The following MTHFD1L variants were observed in gnomAD, a reference collection of about 807,000 sequenced individuals.
MTHFD1L encodes the protein monofunctional C1-tetrahydrofolate synthase, mitochondrial.
In MTHFD1L, 81 loss-of-function variants were observed where a neutral mutation model predicts 119.5. The ratio of observed to expected loss-of-function variants is 0.68; its 90% CI spans 0.57 to 0.82. The LOEUF is 0.82. MTHFD1L is among the 40% of genes least tolerant of loss of function. MTHFD1L has a pLI of 0.00. For synonymous variants in MTHFD1L, 430 were observed against 475.2 expected (o/e 0.90, Z 1.24); for missense variants, 1,125 against 1,253.4 (o/e 0.90, Z 1.55).
chr6:150,919,939 C>T (rs1032169426), intron 9 of MTHFD1L, among the ~76,000 whole-genome samples: 15 of 152,176 alleles, frequency 9.9e-5, no homozygotes, highest in African/African-American at 3.4e-4. Context: ...TCATCTGAGG[C>T]ATTAACTGGG....
intron 9 of MTHFD1L, 108 bp from the exon 10 acceptor site, chr6:150,922,096 CT>C: frequency 3.8e-6 from 3 of 780,264 alleles, no homozygotes; most frequent in Non-Finnish European, 4.4e-6. Context: ...TATTGTGCGA[CT>C]CGATAATCTT....
intron 10 of MTHFD1L, among the ~76,000 whole-genome samples, chr6:150,924,582 T>G (rs1789599997): frequency 6.6e-6 from 1 of 152,170 alleles, no homozygotes; most frequent in African/African-American, 2.4e-5. Flanking sequence ...GTTCAAGTGA[T>G]TGTCCTGCCT....
chr6:150,953,589 T>C (rs1795155374), intron 16 of MTHFD1L, among the ~76,000 whole-genome samples: 1 of 152,228 alleles, frequency 6.6e-6, no homozygotes, highest in Non-Finnish European at 1.5e-5. Context: ...GGTTACTTTC[T>C]AGTATCTTTC....
intron 20 of MTHFD1L, among the ~76,000 whole-genome samples, chr6:150,992,836 G>A (rs932355311): frequency 2.6e-5 from 4 of 152,116 alleles, no homozygotes; most frequent in Admixed American, 6.6e-5. Context: ...GCAGGGCTAC[G>A]ACTCTCTCTG....
intron 26 of MTHFD1L, among the ~76,000 whole-genome samples, chr6:151,045,920 G>A (rs1787939275): frequency 6.6e-6 from 1 of 152,172 alleles, no homozygotes; most frequent in African/African-American, 2.4e-5. Flanking sequence ...AGTCATCCCT[G>A]TCTCCTCAGT....
Position 150,882,814 on chromosome 6 carries a change from C to A in MTHFD1L, c.470C>A (p.Ala157Asp). 6.3e-7 allele frequency: 1 copy of A among 1,576,294 alleles called. No homozygotes were observed. Among genetic ancestry groups the A allele is most frequent in the South Asian group, 1.2e-5 (1 of 82,604 alleles). The change falls in exon 5 of 28, where the codon GCC (alanine) becomes GAC (aspartate). Residue 157 changes from alanine (A) to aspartate (D), a missense_variant. Around this residue, in one of 3 missense-constraint regions of MTHFD1L, gnomAD observed 1,058 missense variants for 1,151.2 expected, o/e 0.92. Coordinates refer to ENST00000367321, the MANE Select transcript of MTHFD1L (RefSeq NM_015440.5). ...GAAGATACCAGAGTACATGGCCTTG[C>A]CCTTCAGATCTCTGAGAACTTGTTT... ...INEDTRVHGL[A>D]LQISENLFSN...
At chr6:150,936,423 C>G (rs896063979) in intron 11 of MTHFD1L, among the ~76,000 whole-genome samples, 8 of 152,196 alleles carry the variant, frequency 5.3e-5, no homozygotes, top group Non-Finnish European at 1.2e-4. Context: ...ACCATAGGCC[C>G]TGTGCCCACA....
At chr6:150,984,963 G>A (rs979764027) in intron 20 of MTHFD1L, 1 of 152,110 alleles carries the variant, frequency 6.6e-6, no homozygotes, top group Non-Finnish European at 1.5e-5. Flanking sequence ...ATTGCTCTTT[G>A]CCATGTGCTG....
chr6:150,900,071 A>G (rs1400461654), intron 7 of MTHFD1L, among the ~76,000 whole-genome samples: 1 of 151,226 alleles, frequency 6.6e-6, no homozygotes, highest in Non-Finnish European at 1.5e-5. Flanking sequence ...TGCTTATGAA[A>G]CAGTCTGCCT....
chr6:150,902,901 C>T (rs1055890249), intron 7 of MTHFD1L, among the ~76,000 whole-genome samples: 50 of 152,208 alleles, frequency 3.3e-4, no homozygotes, highest in African/African-American at 1.1e-3. Flanking sequence ...GTTGTTTTAC[C>T]GTGTTCTGGT....
Position 151,039,872 on chromosome 6 carries a change from GC to G in MTHFD1L, c.2847+2757del, listed in dbSNP as rs1786796180. Among the ~76,000 whole-genome samples, 1 of 152,174 alleles carries G rather than the reference GC, an allele frequency of 6.6e-6. No homozygotes were observed. The highest frequency in any genetic ancestry group is 6.5e-5 in the Admixed American group (1 of 15,274). On this transcript the variant is annotated intron_variant, in intron 26 of 27. Transcript: ENST00000367321. The surrounding 1 kb of genome is among the most constrained non-coding windows in gnomAD (Gnocchi z 4.4). ...AGAAGTTGCAGTAAGCCAAGATTGC[GC>G]CATTGCACTTCAGCCTGGGTGACAG... is the stretch of plus-strand genomic sequence containing the variant.
Position 150,972,008 on chromosome 6 carries a change from T to C in MTHFD1L, c.2075T>C (p.Val692Ala). The C allele has an allele frequency of 6.2e-7, 1 of 1,614,204 alleles. No individual in the cohort carries two copies. The highest frequency in any genetic ancestry group is 1.1e-5 in the South Asian group (1 of 91,082). ...AACATTGCTCACGGCAACTCTTCAG[T>C]GTTGGCTGATAAAATTGCCCTGAAA... ...FANIAHGNSS[V>A]LADKIALKLV... is the part of the protein sequence containing the mutation. Residue 692 changes from valine to alanine, a missense_variant, in exon 20 of 28, where the codon GTG (valine) becomes GCG (alanine). Val to Ala is a moderately conservative substitution (Grantham distance 64). Around this residue, in one of 3 missense-constraint regions of MTHFD1L, gnomAD observed 1,058 missense variants for 1,151.2 expected, o/e 0.92. Coordinates refer to ENST00000367321, the MANE Select transcript of MTHFD1L (RefSeq NM_015440.5).
intron 26 of MTHFD1L, among the ~76,000 whole-genome samples, chr6:151,049,335 C>T (rs568811739): frequency 1.5e-3 from 234 of 152,080 alleles, no homozygotes; most frequent in African/African-American, 5.3e-3. Flanking sequence ...ACTAAAAATA[C>T]AAAAAAATTA....
intron 4 of MTHFD1L, among the ~76,000 whole-genome samples, chr6:150,880,533 G>A (rs1384446044): frequency 6.6e-6 from 1 of 152,180 alleles, no homozygotes; most frequent in Admixed American, 6.5e-5. Context: ...TCCATCTCTT[G>A]GCTACTGTGA....
chr6:151,053,233 C>G (rs1226221933), intron 26 of MTHFD1L, among the ~76,000 whole-genome samples: 1 of 152,142 alleles, frequency 6.6e-6, no homozygotes, highest in Non-Finnish European at 1.5e-5. Flanking sequence ...CCATGGAGAC[C>G]AGTAGCCTGG....
At chr6:150,937,782 G>C (rs529619749) in intron 12 of MTHFD1L, among the ~76,000 whole-genome samples, 2 of 152,204 alleles carry the variant, frequency 1.3e-5, no homozygotes, top group African/African-American at 2.4e-5. Flanking sequence ...GCGGCACCAG[G>C]CTCACCCAGT....
intron 24 of MTHFD1L, among the ~76,000 whole-genome samples, chr6:151,032,034 A>G (rs1349194089): frequency 6.6e-6 from 1 of 152,198 alleles, no homozygotes; most frequent in East Asian, 1.9e-4. Flanking sequence ...TACTTGTGCC[A>G]GTACCCATGG....
chr6:151,099,749 G>C (rs939351584), intron 27 of MTHFD1L: 1 of 1,609,472 alleles, frequency 6.2e-7, no homozygotes, highest in Non-Finnish European at 8.5e-7. Flanking sequence ...AGTGGCTTCC[G>C]GAAGTTCCTG....
At chr6:150,868,433 G>A (rs1277893733) in intron 1 of MTHFD1L, among the ~76,000 whole-genome samples, 1 of 149,864 alleles carries the variant, frequency 6.7e-6, no homozygotes, top group Admixed American at 6.7e-5. Flanking sequence ...TCCGCCTCCC[G>A]GGTTCAAGCG....
Sources: allele counts gnomAD v4.1 joint callset (sites outside exome capture counted in the v4.1 genomes callset), GRCh38; gene constraint gnomAD v4.1.1; regional missense constraint gnomAD v4.1.1; non-coding constraint Gnocchi (gnomAD v3.1); transcripts MANE v1.5; gene names NCBI Gene and HGNC (gene_info 2026-07-23, HGNC 2026-07-21).